RABEP1: variants seen among roughly 807,000 people sequenced by gnomAD.
The protein encoded by RABEP1 is rab GTPase-binding effector protein 1.
RABEP1 carries 51 observed loss-of-function variants against 123.4 expected under a neutral mutation model. The observed-to-expected ratio is 0.41, with a 90% CI of 0.33 to 0.52. The LOEUF is 0.52. Ranked by LOEUF, RABEP1 falls within the 20% of genes least tolerant of loss-of-function variation. The pLI is 0.16. For synonymous variants in RABEP1, 347 were observed against 355.2 expected, an observed-to-expected ratio of 0.98 and a Z score of 0.26; for missense variants, 888 against 996.3, an observed-to-expected ratio of 0.89 and a Z score of 1.46.
At chr17:5,289,217 C>T (rs2075009016) in intron 1 of RABEP1, among the ~76,000 whole-genome samples, 2 of 150,760 alleles carry the variant, frequency 1.3e-5, no homozygotes, top group African/African-American at 4.9e-5. Flanking sequence ...TGTTTCACAT[C>T]TTTCTTTTGT....
At chr17:5,331,100 C>T (rs59527503) in intron 2 of RABEP1, among the ~76,000 whole-genome samples, 13,491 of 131,518 alleles carry the variant, frequency 0.1, 1,490 homozygotes, top group East Asian at 0.5. Context: ...TAAGAGAAGA[C>T]AGACTTAATA....
At chr17:5,284,165 C>A (rs1447800130) in intron 1 of RABEP1, 1 of 152,164 alleles carries the variant, frequency 6.6e-6, no homozygotes, top group Non-Finnish European at 1.5e-5. Context: ...AATCAAAATT[C>A]CCTGCCTCTT....
At chr17:5,306,435 C>T (rs1469175884) in intron 1 of RABEP1, among the ~76,000 whole-genome samples, 1 of 152,090 alleles carries the variant, frequency 6.6e-6, no homozygotes, top group Non-Finnish European at 1.5e-5. Flanking sequence ...CAAGACCAGC[C>T]TGGGCAACAT....
chr17:5,329,350 C>G (rs570305964), intron 2 of RABEP1, among the ~76,000 whole-genome samples: 25 of 152,058 alleles, frequency 1.6e-4, no homozygotes, highest in Non-Finnish European at 2.9e-4. Context: ...GCCAACAAGG[C>G]GAAACCCCGT....
chr17:5,303,566 G>C (rs1430056912), intron 1 of RABEP1, among the ~76,000 whole-genome samples: 1 of 152,150 alleles, frequency 6.6e-6, no homozygotes, highest in Non-Finnish European at 1.5e-5. Context: ...AAAATCCAGT[G>C]AGAAACAAGA....
chr17:5,376,883 G>A (rs1458751845), intron 13 of RABEP1, among the ~76,000 whole-genome samples: 1 of 152,122 alleles, frequency 6.6e-6, no homozygotes, highest in African/African-American at 2.4e-5. Context: ...ACAGTTTTGA[G>A]GGAAGAGTAT....
chr17:5,375,661 G>A (rs374597685), intron 13 of RABEP1, among the ~76,000 whole-genome samples: 6 of 151,710 alleles, frequency 4.0e-5, no homozygotes, highest in Non-Finnish European at 7.4e-5. Context: ...AGCTGAGATC[G>A]CGCCACTGCC....
chr17:5,380,912 GCAGA>G (rs1170476957), intron 16 of RABEP1, among the ~76,000 whole-genome samples: 4 of 152,224 alleles, frequency 2.6e-5, no homozygotes, highest in African/African-American at 9.6e-5. Context: ...ACCTGAAAGT[GCAGA>G]CAGTGTTGCT....
At chr17:5,353,245 T>C (rs1908721032) in intron 7 of RABEP1, among the ~76,000 whole-genome samples, 1 of 152,216 alleles carries the variant, frequency 6.6e-6, no homozygotes, top group Non-Finnish European at 1.5e-5. Flanking sequence ...GAACCCTTAA[T>C]TGTCTCTTCT....
rs1158900092 is a variant in RABEP1, at chr17:5,384,771, A to G, written c.*1548A>G. ...TTGCCGCACATGAAACATTATTTTA[A>G]TTGGTTTAAAGTCCCTTTATAAAGA... is the stretch of plus-strand genomic sequence containing the variant. On this transcript the variant is annotated 3_prime_UTR_variant, in exon 18 of 18. Transcript: ENST00000537505. The G allele has an allele frequency of 2.4e-5, 5 of 212,208 alleles. No homozygotes were observed. The South Asian group carries it at 7.6e-4, about 32-fold the overall frequency. 13.1% of individuals were successfully genotyped at this position (212,208 alleles called of 1,614,324 possible).
intron 10 of RABEP1, 98 bp from the exon 11 acceptor site, chr17:5,365,024 C>T (rs1481184392): frequency 4.1e-6 from 3 of 726,590 alleles, no homozygotes; most frequent in Non-Finnish European, 6.7e-6. Context: ...CAGAAAAAGA[C>T]ATAAGAGATT....
chr17:5,360,397 C>T (rs1370876263), intron 8 of RABEP1, among the ~76,000 whole-genome samples: 6 of 152,164 alleles, frequency 3.9e-5, no homozygotes, highest in African/African-American at 1.4e-4. Context: ...CCCATCTCTA[C>T]TAAAAATAGA....
At chr17:5,341,365 A>G (rs1907590069) in intron 5 of RABEP1, among the ~76,000 whole-genome samples, 1 of 152,234 alleles carries the variant, frequency 6.6e-6, no homozygotes, top group Non-Finnish European at 1.5e-5. Flanking sequence ...ACAGATGAAA[A>G]AATTTCTAAT....
Position 5,335,340 on chromosome 17 carries a change from A to G in RABEP1, c.524A>G (p.Lys175Arg), listed in dbSNP as rs774978785. ...QEEENLENEM[K>R]KAQEDAEKLR... is the part of the protein sequence containing the mutation. ...GAGGAAAATTTAGAAAATGAAATGA[A>G]AAAGGTATGAAGGAATGTGTTCATT... Residue 175 changes from lysine (K) to arginine (R), a missense_variant, in exon 4 of 18, where the codon AAA (lysine) becomes AGA (arginine). Coordinates refer to ENST00000537505, the MANE Select transcript of RABEP1 (RefSeq NM_004703.6). The G allele has an allele frequency of 1.2e-6, 2 of 1,609,824 alleles. No individual in the cohort carries two copies. Among genetic ancestry groups the G allele is most frequent in the African/African-American group, 2.7e-5 (2 of 74,826 alleles).
At chr17:5,363,219 T>G (rs1004286901) in intron 10 of RABEP1, among the ~76,000 whole-genome samples, 34 of 151,726 alleles carry the variant, frequency 2.2e-4, no homozygotes, top group African/African-American at 6.5e-4. Context: ...TTTTTTTGTT[T>G]TTGTTTTTGT....
chr17:5,382,845 G>A (rs145722277), intron 17 of RABEP1, among the ~76,000 whole-genome samples: 3,691 of 151,626 alleles, frequency 0.024, 148 homozygotes, highest in African/African-American at 0.085. Flanking sequence ...ACTTGAACCC[G>A]GGAGGTGGAG....
In RABEP1 at chr17:5,380,433, G is replaced by T; in HGVS notation, c.2341G>T (p.Glu781Ter). ...TCAGGAAATAAAGATCAGTTTGGAA[G>T]AGCAGTTAAAGAAAGAGACTGCTGC... Reference protein sequence around the residue: ...SLQEIKISLEEQLKKETAAKA... With the variant: ...SLQEIKISLE The change falls in exon 16 of 18, where the codon GAG (glutamate) becomes TAG (stop). Residue 781 changes from glutamate to a stop codon, truncating the protein, a stop_gained. Coordinates refer to ENST00000537505, the MANE Select transcript of RABEP1 (RefSeq NM_004703.6). LOFTEE classifies it high-confidence loss of function. 6.4e-7 allele frequency: 1 copy of T among 1,563,368 alleles called. No individual in the cohort carries two copies. The highest frequency in any genetic ancestry group is 2.3e-5 in the East Asian group (1 of 42,764).
intron 1 of RABEP1, among the ~76,000 whole-genome samples, chr17:5,285,025 G>A (rs1290447597): frequency 1.3e-5 from 2 of 151,812 alleles, no homozygotes; most frequent in African/African-American, 4.8e-5. Context: ...GGTAGATTAG[G>A]AAAATCGATT....
At chr17:5,339,941 G>C (rs1238540961) in intron 5 of RABEP1, among the ~76,000 whole-genome samples, 3 of 152,104 alleles carry the variant, frequency 2.0e-5, no homozygotes, top group Non-Finnish European at 4.4e-5. Context: ...GAGATAAAGA[G>C]GGATCCTATC....
Sources: gnomAD v4.1 joint callset for allele counts (sites outside exome capture counted in the v4.1 genomes callset) on GRCh38, gnomAD v4.1.1 for gene constraint, MANE v1.5 for transcripts, NCBI Gene and HGNC (gene_info 2026-07-23, HGNC 2026-07-21) for gene names.